Variants in SLC2A5 observed in about 807,000 individuals in gnomAD.
SLC2A5 encodes solute carrier family 2, facilitated glucose transporter member 5.
A neutral mutation model predicts 50.3 loss-of-function variants in SLC2A5; 56 were observed. That is an observed-to-expected ratio of 1.11 (90% CI 0.90 to 1.39). The LOEUF is 1.39. Ranked by LOEUF, SLC2A5 falls within the 40% of genes most tolerant of loss-of-function variation. The pLI, the probability that SLC2A5 is intolerant of heterozygous loss-of-function variation, is 0.00. For synonymous variants in SLC2A5, 269 were observed against 281.9 expected (o/e 0.95, Z 0.46); for missense variants, 566 against 650.1 (o/e 0.87, Z 1.41).
Position 9,039,599 on chromosome 1 carries a change from C to G in SLC2A5, c.949G>C (p.Val317Leu). 1.3e-6 allele frequency: 2 copies of G among 1,575,842 alleles called. No individual in the cohort carries two copies. The highest frequency in any genetic ancestry group is 1.7e-6 in the Non-Finnish European group (2 of 1,161,736). The change falls in exon 8 of 12, where the codon GTG (valine) becomes CTG (leucine). Residue 317 changes from valine to leucine, a missense_variant. By Grantham distance (32) the Val-to-Leu change is conservative (BLOSUM62 1). Transcript: ENST00000377424. ...AGVPEEHVQY[V>L]TAGTGAVNVV... ...TTCACGGCCCCGGTGCCGGCCGTCA[C>G]GTACTGCACGTGCTCCTCCGGCACG... is the stretch of plus-strand genomic sequence containing the variant.
intron 2 of SLC2A5, among the ~76,000 whole-genome samples, chr1:9,083,146 G>A (rs1642371037): frequency 6.6e-6 from 1 of 152,188 alleles, no homozygotes. Flanking sequence ...TTGTTTTAAA[G>A]ACAACTACTT....
Position 9,037,698 on chromosome 1 carries a change from G to T in SLC2A5, c.1394C>A (p.Ala465Asp). 6.2e-7 allele frequency: 1 copy of T among 1,614,162 alleles called. No individual in the cohort carries two copies. The highest frequency in any genetic ancestry group is 8.5e-7 in the Non-Finnish European group (1 of 1,180,008). Residue 465 changes from alanine to aspartate, a missense_variant, in exon 12 of 12, where the codon GCC (alanine) becomes GAC (aspartate). Ala to Asp is a moderately radical substitution (Grantham distance 126, BLOSUM62 -2). Transcript: ENST00000377424. ...YIFLIVPETKAKTFIEINQIF... is the reference protein window; with the variant it reads ...YIFLIVPETKDKTFIEINQIF... ...CTGGTTGATCTCTATGAACGTCTTG[G>T]CCTTGGTCTCCGGGACAATCAAGAA...
Position 9,066,677 on chromosome 1 carries a change from C to G in SLC2A5, c.33+2827G>C, listed in dbSNP as rs1420033634. On this transcript the variant is annotated intron_variant, in intron 1 of 11. Coordinates refer to ENST00000377424, the MANE Select transcript of SLC2A5 (RefSeq NM_003039.3). ...ACATCTGATAGATGTCAGTGTTTGC[C>G]CTCTACATAGGAGAAAAGCAGGGCT... Among the ~76,000 whole-genome samples, 4 of 152,132 alleles carry G rather than the reference C, an allele frequency of 2.6e-5. No individual in the cohort carries two copies. The South Asian group carries it at 8.3e-4, about 32-fold the overall frequency.
At chr1:9,052,854 T>C (rs1641612596) in intron 3 of SLC2A5, among the ~76,000 whole-genome samples, 1 of 151,204 alleles carries the variant, frequency 6.6e-6, no homozygotes, top group South Asian at 2.1e-4. Context: ...CCCATCCCTG[T>C]AGTCTCAGCT....
intron 3 of SLC2A5, among the ~76,000 whole-genome samples, chr1:9,048,010 T>G (rs1446528173): frequency 6.6e-6 from 1 of 152,106 alleles, no homozygotes; most frequent in Non-Finnish European, 1.5e-5. Context: ...AGTAAAGGGT[T>G]TTTGAAATCA....
intron 3 of SLC2A5, among the ~76,000 whole-genome samples, chr1:9,055,377 T>C (rs1033354595): frequency 6.6e-6 from 1 of 151,372 alleles, no homozygotes. Context: ...ATTAGCTGGG[T>C]GTGGTGGCAT....
chr1:9,068,755 C>G (rs929812052), intron 1 of SLC2A5, among the ~76,000 whole-genome samples: 1 of 152,206 alleles, frequency 6.6e-6, no homozygotes, highest in Non-Finnish European at 1.5e-5. Context: ...TGTTTCCAGT[C>G]TGCCTATGGT....
rs368743770 is a variant in SLC2A5 at position 9,047,690 on chromosome 1, G to A, written c.338C>T (p.Ala113Val). Residue 113 changes from alanine (A) to valine (V), a missense_variant, in exon 4 of 12, where the codon GCG (alanine) becomes GTG (valine). Transcript: ENST00000377424. Reference sequence around the variant, plus strand: ...GACTCTGCTGCATCCCATTAAGATCGCAGGCACGATAGAAAATATGTTGTT... The same window carrying A: ...GACTCTGCTGCATCCCATTAAGATCACAGGCACGATAGAAAATATGTTGTT... ...LFNNIFSIVP[A>V]ILMGCSRVAT... The A allele has an allele frequency of 8.1e-6, 13 of 1,613,620 alleles. No individual in the cohort carries two copies. Among genetic ancestry groups the A allele is most frequent in the South Asian group, 3.3e-5 (3 of 91,050 alleles).
At chr1:9,087,792 C>T (rs1006831491) in intron 1 of SLC2A5, among the ~76,000 whole-genome samples, 1 of 152,168 alleles carries the variant, frequency 6.6e-6, no homozygotes, top group African/African-American at 2.4e-5. Flanking sequence ...CCACCTCCAA[C>T]TGCCCGCAAC....
At chr1:9,093,204 C>T (rs1642478582), upstream of SLC2A5, among the ~76,000 whole-genome samples, 1 of 152,182 alleles carries the variant, frequency 6.6e-6, no homozygotes, top group Non-Finnish European at 1.5e-5. Context: ...GCCCTACCCC[C>T]AATCCCCACC....
At chr1:9,063,781 C>T (rs1642010583) in intron 1 of SLC2A5, among the ~76,000 whole-genome samples, 1 of 125,512 alleles carries the variant, frequency 8.0e-6, no homozygotes, top group Non-Finnish European at 1.6e-5. Context: ...CTGCAAGCTC[C>T]GCCTCCCGGG....
upstream of SLC2A5, among the ~76,000 whole-genome samples, chr1:9,089,475 G>T (rs537940207): frequency 6.6e-6 from 1 of 152,216 alleles, no homozygotes; most frequent in South Asian, 2.1e-4. Context: ...ACATCTCAGT[G>T]GGATCTCCTA....
rs3737661 is a variant in SLC2A5 at position 9,047,790 on chromosome 1, G to C, written c.294-56C>G. The C allele has an allele frequency of 2.3e-3, 3,688 of 1,586,616 alleles. 3 individuals carry two copies. The highest frequency in any genetic ancestry group is 2.8e-3 in the Non-Finnish European group (3,203 of 1,162,026). On this transcript the variant is annotated intron_variant, in intron 3 of 11. Coordinates refer to ENST00000377424, the MANE Select transcript of SLC2A5 (RefSeq NM_003039.3). ...CTGAAGAATTCACTCTTTCATTCAAGAAATGTTTCTGGAGTGTCTCCTCTG... is the reference window on the plus strand; with the variant it reads ...CTGAAGAATTCACTCTTTCATTCAACAAATGTTTCTGGAGTGTCTCCTCTG...
chr1:9,042,509 A>T (rs1345869901), intron 4 of SLC2A5, among the ~76,000 whole-genome samples: 2 of 141,402 alleles, frequency 1.4e-5, no homozygotes, highest in Admixed American at 1.4e-4. Context: ...GTGTGTGTGT[A>T]TGTGTATATG....
chr1:9,088,885 C>A (rs926274469), upstream of SLC2A5, among the ~76,000 whole-genome samples: 8 of 152,200 alleles, frequency 5.3e-5, no homozygotes, highest in African/African-American at 1.9e-4. Context: ...GCATCCCTTG[C>A]GCTCATGTCT....
At chr1:9,069,744 G>C (rs1477764720), upstream of SLC2A5, 1 of 604,660 alleles carries the variant, frequency 1.7e-6, no homozygotes, top group African/African-American at 1.9e-5. Context: ...TCTGGGGTTT[G>C]GCTAAGTAAG....
At chr1:9,079,450 T>C (rs1221798129) in intron 2 of SLC2A5, among the ~76,000 whole-genome samples, 2 of 152,158 alleles carry the variant, frequency 1.3e-5, no homozygotes, top group Non-Finnish European at 2.9e-5. Flanking sequence ...CGGTTACACA[T>C]TACCCTGGAT....
At position 9,041,775 on chromosome 1, in the gene SLC2A5, C is replaced by T. The variant is rs758984318; in HGVS notation, c.571+10G>A. On this transcript the variant is annotated intron_variant, in intron 5 of 11. Coordinates refer to ENST00000377424, the MANE Select transcript of SLC2A5 (RefSeq NM_003039.3). The stretch of plus-strand genomic sequence containing the variant: ...GGGGTGGGGGTGCTCCCGAGATGTC[C>T]TGAACTCACCATCTACGTTTGCAAG... The T allele has an allele frequency of 3.7e-6, 6 of 1,613,904 alleles. No homozygotes were observed. Among genetic ancestry groups the T allele is most frequent in the Admixed American group, 1.7e-5 (1 of 59,990 alleles).
Position 9,038,500 on chromosome 1 carries a change from CTG to C in SLC2A5, c.1103_1104del (p.Thr368SerfsTer33). 4 of 1,612,714 alleles carry C rather than the reference CTG, an allele frequency of 2.5e-6. No individual in the cohort carries two copies. The South Asian group carries it at 3.3e-5, about 13-fold the overall frequency. On this transcript the variant is annotated frameshift_variant, in exon 10 of 12. Coordinates refer to ENST00000377424, the MANE Select transcript of SLC2A5 (RefSeq NM_003039.3). LOFTEE classifies it high-confidence loss of function. ...ATGCTGATGTATGGCATCCAGGACA[CTG>C]TGTCCTGTGGAGAGAAAGCAGTTGG... is the stretch of plus-strand genomic sequence containing the variant. ...VLTAALALQD[T>X]VSWMPYISIV...
Sources: allele counts gnomAD v4.1 joint callset (sites outside exome capture counted in the v4.1 genomes callset), GRCh38; gene constraint gnomAD v4.1.1; transcripts MANE v1.5; gene names NCBI Gene and HGNC (gene_info 2026-07-23, HGNC 2026-07-21).